Variants in ACSL3 observed in about 807,000 individuals in gnomAD.
The protein encoded by ACSL3 is acyl-CoA synthetase long chain family member 3, also known as fatty acid CoA ligase Acsl3.
ACSL3 carries 34 observed loss-of-function variants against 84.7 expected under a neutral mutation model. That is an observed-to-expected ratio of 0.40 (90% confidence interval 0.31 to 0.53). The LOEUF (loss-of-function observed/expected upper bound fraction) is 0.53. Ranked by LOEUF, ACSL3 falls within the 20% of genes least tolerant of loss-of-function variation. The pLI is 0.48. For missense variants in ACSL3, 680 were observed against 873.1 expected (o/e 0.78, Z 2.79); for synonymous variants, 315 against 299.4 (o/e 1.05, Z -0.54).
chr2:222,922,554 G>GTCTCTCTC (rs56044904), intron 8 of ACSL3, among the ~76,000 whole-genome samples, 154 bp from the exon 9 acceptor site: 1,712 of 150,788 alleles, frequency 0.011, 15 homozygotes, highest in African/African-American at 0.025. Flanking sequence ...GTTTTCACCT[G>GTCTCTCTC]TCTCTCTCTC....
chr2:222,883,746 T>C (rs979426047), intron 1 of ACSL3, among the ~76,000 whole-genome samples: 2 of 152,220 alleles, frequency 1.3e-5, no homozygotes, highest in Non-Finnish European at 2.9e-5. Flanking sequence ...CTTGAATCTC[T>C]TGGATTAATT....
At chr2:222,925,994 G>GT (rs1696866531) in intron 11 of ACSL3, among the ~76,000 whole-genome samples, 2 of 152,208 alleles carry the variant, frequency 1.3e-5, no homozygotes, top group South Asian at 4.1e-4. Flanking sequence ...AACTTTGTAA[G>GT]TTTTTTTCCT....
At chr2:222,917,265 A>G (rs1439433241) in intron 5 of ACSL3, 2 of 152,020 alleles carry the variant, frequency 1.3e-5, no homozygotes, top group African/African-American at 2.4e-5. Context: ...AATTTTTTGT[A>G]TTTTTAGTAG....
intron 3 of ACSL3, among the ~76,000 whole-genome samples, chr2:222,901,335 A>G (rs555427130): frequency 6.6e-6 from 1 of 152,298 alleles, no homozygotes; most frequent in South Asian, 2.1e-4. Flanking sequence ...AAATTTTCTC[A>G]CCACCCCATT....
intron 1 of ACSL3, among the ~76,000 whole-genome samples, chr2:222,881,400 G>C (rs1695588603): frequency 6.6e-6 from 1 of 152,182 alleles, no homozygotes; most frequent in Admixed American, 6.5e-5. Flanking sequence ...TACTTGGTTG[G>C]AATTTGCTTT....
In ACSL3 at chr2:222,942,790, G is replaced by A. The variant is rs932520225; in HGVS notation, c.*1136G>A. On this transcript the variant is annotated 3_prime_UTR_variant, in exon 17 of 17. Coordinates refer to ENST00000357430, the MANE Select transcript of ACSL3 (RefSeq NM_004457.5). ...AGAATTTAGAATGTATTTGATGATA[G>A]CATTCTCACTAAGACACATGAGAAT... 6 of 219,224 alleles carry A rather than the reference G, an allele frequency of 2.7e-5. No homozygotes were observed. The highest frequency in any genetic ancestry group is 1.3e-4 in the African/African-American group (6 of 44,602). The allele number at this position is 219,224 out of a possible 1,614,324, so 13.6% of individuals were successfully genotyped here.
At chr2:222,915,582 A>T (rs1299984287) in intron 4 of ACSL3, among the ~76,000 whole-genome samples, 1 of 152,202 alleles carries the variant, frequency 6.6e-6, no homozygotes, top group Non-Finnish European at 1.5e-5. Context: ...GAAAATTTCT[A>T]AAGACAATAT....
At chr2:222,916,266 T>A in intron 4 of ACSL3, 53 bp from the exon 5 acceptor site, 1 of 1,208,160 alleles carries the variant, frequency 8.3e-7, no homozygotes, top group Non-Finnish European at 1.1e-6. Context: ...TCTGGTTTCT[T>A]CTGTAAATTA....
intron 1 of ACSL3, among the ~76,000 whole-genome samples, chr2:222,862,316 G>A (rs1043947598): frequency 6.6e-6 from 1 of 152,152 alleles, no homozygotes; most frequent in Admixed American, 6.5e-5. Flanking sequence ...GTAAGAAGCT[G>A]GGATTCAGAC....
intron 2 of ACSL3, among the ~76,000 whole-genome samples, chr2:222,891,847 A>T (rs1407782156): frequency 6.6e-6 from 1 of 152,202 alleles, no homozygotes; most frequent in African/African-American, 2.4e-5. Context: ...TATAGGCTTT[A>T]TAGTTTTCTT....
chr2:222,944,028 A>G lies in ACSL3; in HGVS notation c.*2374A>G, dbSNP rs1307250739. ...TGTTCCAGTAAGTTTAGCAACTTAG[A>G]GCCAAGACTGGTGGCCACCTCCATT... is the stretch of plus-strand genomic sequence containing the variant. On this transcript the variant is annotated 3_prime_UTR_variant, in exon 17 of 17. Coordinates refer to ENST00000357430, the MANE Select transcript of ACSL3 (RefSeq NM_004457.5). The G allele has an allele frequency of 6.6e-6, 1 of 152,156 alleles. No homozygotes were observed. Among genetic ancestry groups the G allele is most frequent in the African/African-American group, 2.4e-5 (1 of 41,456 alleles). The allele number at this position is 152,156 out of a possible 1,614,324, so 9.4% of individuals were successfully genotyped here. A position where few individuals can be genotyped will look rare whatever the true frequency, so the allele number is the denominator to read the frequency against.
intron 3 of ACSL3, among the ~76,000 whole-genome samples, chr2:222,901,732 G>GTC (rs140081332): frequency 0.074 from 11,211 of 152,028 alleles, 506 homozygotes; most frequent in Middle Eastern, 0.13. Flanking sequence ...GGATCACAAG[G>GTC]TCAAGAGATC....
rs902681980 is a variant in ACSL3, at chr2:222,862,333, G to T, written c.-207+1075G>T. On this transcript the variant is annotated intron_variant, in intron 1 of 16. Transcript: ENST00000357430. ...AAGAAGCTGGGATTCAGACAGGCCT[G>T]TGTAAATCCAGAGCTCTGAAATCTA... Among the ~76,000 whole-genome samples the T allele has an allele frequency of 3.9e-5, 6 of 152,214 alleles. 1 individual carries two copies.
At chr2:222,905,331 T>C (rs944756832) in intron 3 of ACSL3, among the ~76,000 whole-genome samples, 1 of 152,294 alleles carries the variant, frequency 6.6e-6, no homozygotes, top group East Asian at 1.9e-4. Context: ...CTGCTAATTT[T>C]TCTCTTTTTT....
At chr2:222,889,381 G>A (rs1028655680) in intron 2 of ACSL3, among the ~76,000 whole-genome samples, 3 of 152,324 alleles carry the variant, frequency 2.0e-5, no homozygotes, top group Middle Eastern at 3.4e-3. Flanking sequence ...TCGTAGTCAT[G>A]TTATATAGGT....
intron 16 of ACSL3, among the ~76,000 whole-genome samples, chr2:222,941,188 C>G (rs1172338853): frequency 6.6e-6 from 1 of 152,180 alleles, no homozygotes; most frequent in East Asian, 1.9e-4. Context: ...CCTGAGCTTT[C>G]AGAGTTACTG....
At chr2:222,862,169 C>T (rs1695031487) in intron 1 of ACSL3, among the ~76,000 whole-genome samples, 1 of 152,210 alleles carries the variant, frequency 6.6e-6, no homozygotes, top group Non-Finnish European at 1.5e-5. Flanking sequence ...GCTTTTATTA[C>T]ATGCCACGCA....
At chr2:222,920,684 A>G (rs1484428953) in intron 7 of ACSL3, among the ~76,000 whole-genome samples, 1 of 152,130 alleles carries the variant, frequency 6.6e-6, no homozygotes, top group East Asian at 1.9e-4. Flanking sequence ...AGATAATAAC[A>G]TACTCCTGTT....
intron 2 of ACSL3, among the ~76,000 whole-genome samples, chr2:222,890,703 G>T (rs143672059): frequency 3.7e-4 from 56 of 152,076 alleles, no homozygotes; most frequent in Non-Finnish European, 5.9e-5. Flanking sequence ...GTGCAGTGGC[G>T]CAATCTTGGC....
Sources: gnomAD v4.1 joint callset for allele counts (sites outside exome capture counted in the v4.1 genomes callset) on GRCh38, gnomAD v4.1.1 for gene constraint, MANE v1.5 for transcripts, NCBI Gene and HGNC (gene_info 2026-07-23, HGNC 2026-07-21) for gene names.